NEK1: variants seen among roughly 807,000 people sequenced by gnomAD.
NEK1 encodes NIMA related kinase 1.
In NEK1, 137 loss-of-function variants were observed where a neutral mutation model predicts 182.1. The observed-to-expected ratio is 0.75, with a 90% CI of 0.65 to 0.87. The LOEUF is 0.87. Among genes scored for constraint, NEK1 ranks in the 40% least tolerant of loss-of-function variants. The pLI is 0.00. For synonymous variants in NEK1, 513 were observed against 492.2 expected (o/e 1.04, Z -0.56); for missense variants, 1,391 against 1,494.4 (o/e 0.93, Z 1.14).
At chr4:169,594,750 T>A (rs888896271) in intron 5 of NEK1, among the ~76,000 whole-genome samples, 1 of 152,202 alleles carries the variant, frequency 6.6e-6, no homozygotes, top group Non-Finnish European at 1.5e-5. Flanking sequence ...TGGGAAGACT[T>A]GCCAAATCTA....
chr4:169,561,740 G>T lies in NEK1; in HGVS notation c.1141-3C>A. 1.3e-6 allele frequency: 2 copies of T among 1,580,966 alleles called. No individual in the cohort carries two copies. Among genetic ancestry groups the T allele is most frequent in the Non-Finnish European group, 1.7e-6 (2 of 1,161,396 alleles). On this transcript the variant is annotated splice_region_variant and splice_polypyrimidine_tract_variant and intron_variant, in intron 14 of 35. Transcript: ENST00000507142. ...TCAGCCTTCATTAAACTAATAATCT[G>T]TAACAATTTTAAAGACAAGCTTCTT...
chr4:169,495,834 T>C (rs7689797), intron 23 of NEK1, among the ~76,000 whole-genome samples: 43,473 of 151,538 alleles, frequency 0.29, 8,754 homozygotes, highest in African/African-American at 0.58. Context: ...AGTCAGGTAG[T>C]GTGATGCCTC....
At chr4:169,594,106 A>C (rs1769037078) in intron 5 of NEK1, among the ~76,000 whole-genome samples, 1 of 152,204 alleles carries the variant, frequency 6.6e-6, no homozygotes, top group Non-Finnish European at 1.5e-5. Context: ...TCTCTTGCTC[A>C]GAAGACTTTT....
Position 169,590,763 on chromosome 4 carries a change from T to A in NEK1, c.359A>T (p.His120Leu). ...VQICLALKHVHDRKILHRDIK... is the reference protein window; with the variant it reads ...VQICLALKHVLDRKILHRDIK... The stretch of plus-strand genomic sequence containing the variant: ...GTCTCGATGAAGAATTTTTCTATCA[T>A]GTACATGTTTCAGGGCCAAACATAT... Residue 120 changes from histidine to leucine, a missense_variant, in exon 6 of 36, where the codon CAT becomes CTT. This residue lies in a region of NEK1 where 116 missense variants were observed against 114.5 expected (regional missense o/e 1.01). Transcript: ENST00000507142. 1 of 1,599,650 alleles carries A rather than the reference T, an allele frequency of 6.3e-7. No homozygotes were observed. Among genetic ancestry groups the A allele is most frequent in the Non-Finnish European group, 8.5e-7 (1 of 1,172,352 alleles).
chr4:169,537,686 T>C, intron 19 of NEK1, 123 bp downstream of exon 19: 3 of 757,978 alleles, frequency 4.0e-6, no homozygotes, highest in Non-Finnish European at 7.0e-6. Flanking sequence ...TGAGTATCTT[T>C]ACTGCCTCTT....
intron 18 of NEK1, among the ~76,000 whole-genome samples, chr4:169,540,035 C>CATA (rs747915095): frequency 1.3e-5 from 2 of 152,102 alleles, no homozygotes; most frequent in Non-Finnish European, 2.9e-5. Context: ...TATAACACTA[C>CATA]TTGCTCTATG....
At chr4:169,428,604 A>G (rs775269201) in intron 29 of NEK1, among the ~76,000 whole-genome samples, 8 of 151,794 alleles carry the variant, frequency 5.3e-5, no homozygotes, top group Non-Finnish European at 8.8e-5. Context: ...CTTAACAGAT[A>G]GAGAGGTGGG....
intron 11 of NEK1, among the ~76,000 whole-genome samples, chr4:169,578,468 G>A (rs1766068626): frequency 6.6e-6 from 1 of 151,930 alleles, no homozygotes; most frequent in South Asian, 2.1e-4. Context: ...GGGGAAAGGA[G>A]AAAAAAATTT....
chr4:169,437,295 T>A (rs1484433196), intron 28 of NEK1, among the ~76,000 whole-genome samples: 1 of 152,148 alleles, frequency 6.6e-6, no homozygotes, highest in Non-Finnish European at 1.5e-5. Flanking sequence ...AGAAAACCCA[T>A]CTGCACGGCC....
chr4:169,598,028 T>C (rs190846658), intron 5 of NEK1, among the ~76,000 whole-genome samples: 2,690 of 152,258 alleles, frequency 0.018, 47 homozygotes, highest in Non-Finnish European at 0.028. Context: ...GTGTTAAGTA[T>C]GGAAAAGAAA....
intron 19 of NEK1, among the ~76,000 whole-genome samples, chr4:169,514,951 T>C (rs1754885093): frequency 6.6e-6 from 1 of 152,122 alleles, no homozygotes; most frequent in Admixed American, 6.6e-5. Context: ...AGACATTTCT[T>C]CTACTGTCTG....
At chr4:169,555,573 C>T in intron 18 of NEK1, 147 bp downstream of exon 18, 1 of 976,292 alleles carries the variant, frequency 1.0e-6, no homozygotes, top group Non-Finnish European at 1.6e-6. Flanking sequence ...GCCAAATTTG[C>T]ACCTCAGAAA....
Position 169,602,555 on chromosome 4 carries a change from C to A in NEK1, c.76G>T (p.Asp26Tyr). The A allele has an allele frequency of 1.2e-6, 2 of 1,607,420 alleles. No individual in the cohort carries two copies. Among genetic ancestry groups the A allele is most frequent in the East Asian group, 4.5e-5 (2 of 44,612 alleles). Residue 26 changes from aspartate to tyrosine, a missense_variant, in exon 3 of 36, where the codon GAT becomes TAT. Around this residue, in one of 5 missense-constraint regions of NEK1, gnomAD observed 42 missense variants for 47.9 expected, o/e 0.88. Transcript: ENST00000507142. ...GKAILVKSTE[D>Y]GRQYVIKEIN... Reference sequence around the variant, plus strand: ...TCCTTGATAACATACTGTCTGCCATCTTCTGTAGATTTAACAAGAATGGCT... The same window carrying A: ...TCCTTGATAACATACTGTCTGCCATATTCTGTAGATTTAACAAGAATGGCT...
At chr4:169,521,045 C>T (rs1371190356) in intron 19 of NEK1, among the ~76,000 whole-genome samples, 1 of 91,436 alleles carries the variant, frequency 1.1e-5, no homozygotes. Flanking sequence ...CCAGTTCGCG[C>T]TTCCAGGCTG....
intron 28 of NEK1, among the ~76,000 whole-genome samples, chr4:169,436,680 A>T (rs1189888422): frequency 6.6e-6 from 1 of 152,252 alleles, no homozygotes; most frequent in Non-Finnish European, 1.5e-5. Context: ...TGCTTCTCAA[A>T]GGAAGACATG....
At chr4:169,580,933 G>T (rs1196433555) in intron 10 of NEK1, 31 bp from the exon 11 acceptor site, 2 of 1,230,942 alleles carry the variant, frequency 1.6e-6, no homozygotes, top group Non-Finnish European at 2.2e-6. Flanking sequence ...AATTAGAAAA[G>T]ATGTTACATT....
chr4:169,424,781 A>G lies in NEK1; in HGVS notation c.2994T>C (p.Ser998=), dbSNP rs960473869. Residue 998 remains serine (S), a synonymous_variant, in exon 31 of 36, where the codon TCT becomes TCC. Coordinates refer to ENST00000507142, the MANE Select transcript of NEK1 (RefSeq NM_001199397.3). ...TATCTACATCACATTTAGAGTGCTG[A>G]GAATCATTGGTTCCAGGCTCTGTGG... ...DIHIEPGTND[S]QHSKCDVDKS... 3.7e-6 allele frequency: 6 copies of G among 1,608,614 alleles called. No individual in the cohort carries two copies. The highest frequency in any genetic ancestry group is 5.1e-6 in the Non-Finnish European group (6 of 1,175,490).
intron 28 of NEK1, 125 bp from the exon 29 acceptor site, chr4:169,433,790 T>C (rs1209257378): frequency 3.2e-6 from 3 of 923,624 alleles, no homozygotes; most frequent in Non-Finnish European, 4.8e-6. Flanking sequence ...ACAGAAAAAT[T>C]AAGTATTCTC....
intron 18 of NEK1, among the ~76,000 whole-genome samples, chr4:169,548,139 C>A (rs756852621): frequency 2.0e-5 from 3 of 152,204 alleles, no homozygotes; most frequent in African/African-American, 4.8e-5. Flanking sequence ...AAGTTGGCGA[C>A]CTTCAGATGG....
Sources: allele counts gnomAD v4.1 joint callset (sites outside exome capture counted in the v4.1 genomes callset), GRCh38; gene constraint gnomAD v4.1.1; regional missense constraint gnomAD v4.1.1; transcripts MANE v1.5; gene names NCBI Gene and HGNC (gene_info 2026-07-23, HGNC 2026-07-21).